Variants in XPO4 observed in about 807,000 individuals in gnomAD.
The protein encoded by XPO4 is exportin 4.
In XPO4, 39 loss-of-function variants were observed where a neutral mutation model predicts 143.0. The observed-to-expected ratio is 0.27, with a 90% CI of 0.21 to 0.36. The LOEUF is 0.36. Among genes scored for constraint, XPO4 ranks in the 10% least tolerant of loss-of-function variants. XPO4 has a pLI of 1.00. For synonymous variants in XPO4, 439 were observed against 474.0 expected (o/e 0.93, Z 0.96); for missense variants, 907 against 1,348.0 (o/e 0.67, Z 5.12).
Position 20,800,235 on chromosome 13 carries a change from G to A in XPO4, c.2068C>T (p.Leu690Phe). 1.2e-6 allele frequency: 2 copies of A among 1,614,144 alleles called. No homozygotes were observed. Among genetic ancestry groups the A allele is most frequent in the Non-Finnish European group, 1.7e-6 (2 of 1,180,016 alleles). Reference sequence around the variant, plus strand: ...TCCTGCTCACTACTCCAGACTGAGAGGTTACTGATGACTTTTTGTAAGAGG... The same window carrying A: ...TCCTGCTCACTACTCCAGACTGAGAAGTTACTGATGACTTTTTGTAAGAGG... ...GYLLQKVISN[L>F]SVWSSEQDLA... is the part of the protein sequence containing the mutation. Residue 690 changes from leucine to phenylalanine, a missense_variant, in exon 15 of 23, where the codon CTC (leucine) becomes TTC (phenylalanine). By Grantham distance (22) the Leu-to-Phe change is conservative. Coordinates refer to ENST00000255305, the MANE Select transcript of XPO4 (RefSeq NM_022459.5).
chr13:20,892,334 C>T lies in XPO4; in HGVS notation c.69+10336G>A, dbSNP rs562207867. 2.5e-3 allele frequency among the ~76,000 whole-genome samples: 384 copies of T among 152,184 alleles called. 4 individuals carry two copies. The highest frequency in any genetic ancestry group is 8.7e-3 in the African/African-American group (363 of 41,532). ...AACTCCTGACTTCAGGTGATCCACC[C>T]GCTTCAGCCTCCCAAAGTGCTGGGA... On this transcript the variant is annotated intron_variant, in intron 1 of 22. Transcript: ENST00000255305.
intron 13 of XPO4, among the ~76,000 whole-genome samples, chr13:20,806,849 C>A (rs976774926): frequency 6.6e-6 from 1 of 151,892 alleles, no homozygotes; most frequent in Non-Finnish European, 1.5e-5. Context: ...CTGCGCCTGG[C>A]CGGAACATTT....
intron 14 of XPO4, 75 bp downstream of exon 14, chr13:20,800,756 C>A: frequency 1.3e-6 from 2 of 1,547,050 alleles, no homozygotes; most frequent in Non-Finnish European, 1.7e-6. Flanking sequence ...TGAAAAACCA[C>A]CAAGAAAAAT....
intron 18 of XPO4, among the ~76,000 whole-genome samples, chr13:20,793,684 G>C (rs1261232361): frequency 6.6e-6 from 1 of 152,124 alleles, no homozygotes; most frequent in East Asian, 1.9e-4. Context: ...CTCCAGAGTA[G>C]CTGGGACTAC....
chr13:20,900,031 G>A (rs1021697983), intron 1 of XPO4, among the ~76,000 whole-genome samples: 2 of 152,126 alleles, frequency 1.3e-5, no homozygotes, highest in African/African-American at 4.8e-5. Context: ...CCCTTGCTAT[G>A]TAAATTTGTG....
intron 1 of XPO4, chr13:20,879,058 G>C (rs924916158): frequency 2.1e-6 from 2 of 959,250 alleles, no homozygotes; most frequent in Non-Finnish European, 1.2e-6. Context: ...AAACAGAAGC[G>C]AACGCAGGGA....
chr13:20,868,839 G>A, intron 1 of XPO4, 138 bp from the exon 2 acceptor site: 1 of 703,126 alleles, frequency 1.4e-6, no homozygotes, highest in Non-Finnish European at 2.3e-6. Context: ...AACTTTTTAA[G>A]GAATTATAGT....
Position 20,783,688 on chromosome 13 carries a change from G to T in XPO4, c.*34C>A, listed in dbSNP as rs750790566. The T allele has an allele frequency of 3.7e-5, 59 of 1,606,854 alleles. No homozygotes were observed. The highest frequency in any genetic ancestry group is 4.7e-5 in the Non-Finnish European group (55 of 1,173,564). ...TTTCAGCAATTCAGTGCACTTTGCA[G>T]AAAGGATCTAAATTAAGCATAAAGT... On this transcript the variant is annotated 3_prime_UTR_variant, in exon 23 of 23. Transcript: ENST00000255305.
chr13:20,843,983 ACTTTAGATCTTCCACTGTAT>A, intron 4 of XPO4, 97 bp from the exon 5 acceptor site: 1 of 869,974 alleles, frequency 1.1e-6, no homozygotes, highest in South Asian at 1.5e-5. Context: ...TTTCTCCCTA[ACTTTAGATCTTCCACTGTAT>A]CTTTAGATCT....
At chr13:20,886,385 G>A (rs1321086563) in intron 1 of XPO4, among the ~76,000 whole-genome samples, 1 of 152,130 alleles carries the variant, frequency 6.6e-6, no homozygotes, top group African/African-American at 2.4e-5. Context: ...GCTGAGGCGG[G>A]TGGATCACTT....
chr13:20,890,950 T>TA (rs1258490483), intron 1 of XPO4, among the ~76,000 whole-genome samples: 1 of 150,712 alleles, frequency 6.6e-6, no homozygotes, highest in Non-Finnish European at 1.5e-5. Flanking sequence ...CCGTCTCTAC[T>TA]AAAAATACAA....
intron 19 of XPO4, among the ~76,000 whole-genome samples, chr13:20,789,633 C>T (rs1044502850): frequency 1.3e-5 from 2 of 151,524 alleles, no homozygotes; most frequent in African/African-American, 4.9e-5. Context: ...TGGTCTCGAT[C>T]TCCTGACTTC....
At chr13:20,824,167 A>G (rs559621779) in intron 7 of XPO4, among the ~76,000 whole-genome samples, 2 of 152,224 alleles carry the variant, frequency 1.3e-5, no homozygotes, top group Non-Finnish European at 2.9e-5. Flanking sequence ...ATTCCAATGT[A>G]TTTTAAGTTT....
At chr13:20,798,244 G>A (rs1006605584) in intron 16 of XPO4, among the ~76,000 whole-genome samples, 3 of 152,182 alleles carry the variant, frequency 2.0e-5, no homozygotes, top group Admixed American at 6.5e-5. Context: ...ATAGAAAGGG[G>A]AAGTGTGGAT....
chr13:20,889,477 G>A (rs972080500), intron 1 of XPO4, among the ~76,000 whole-genome samples: 6 of 152,146 alleles, frequency 3.9e-5, no homozygotes, highest in African/African-American at 1.4e-4. Context: ...CACAACTGGG[G>A]AGCACTAATG....
intron 6 of XPO4, among the ~76,000 whole-genome samples, chr13:20,839,452 T>C (rs1800431310): frequency 6.6e-6 from 1 of 152,316 alleles, no homozygotes; most frequent in East Asian, 1.9e-4. Flanking sequence ...CTGACAATTA[T>C]TGCTGTACAA....
intron 1 of XPO4, among the ~76,000 whole-genome samples, chr13:20,883,461 T>C (rs932812546): frequency 2.0e-5 from 3 of 152,162 alleles, no homozygotes; most frequent in African/African-American, 7.2e-5. Flanking sequence ...AAAAAAGATA[T>C]TTGTAAGGCA....
intron 4 of XPO4, chr13:20,849,446 T>C (rs2060061892): frequency 1.0e-6 from 1 of 984,060 alleles, no homozygotes; most frequent in Non-Finnish European, 1.2e-6. Context: ...CAAATATGAA[T>C]TATATGTTTA....
In XPO4 at chr13:20,779,655, T is replaced by C. The variant is rs1318044645; in HGVS notation, c.*4067A>G. The C allele has an allele frequency of 6.6e-6, 1 of 152,584 alleles. No homozygotes were observed. Among genetic ancestry groups the C allele is most frequent in the Non-Finnish European group, 1.5e-5 (1 of 68,020 alleles). 9.5% of individuals were successfully genotyped at this position (152,584 alleles called of 1,614,324 possible). ...ACGGCCGACTTCAGCATTCTCGTCT[T>C]TACTAAGACTTACCCATAGAGAACT... On this transcript the variant is annotated 3_prime_UTR_variant, in exon 23 of 23. Coordinates refer to ENST00000255305, the MANE Select transcript of XPO4 (RefSeq NM_022459.5).
Sources: gnomAD v4.1 joint callset for allele counts (sites outside exome capture counted in the v4.1 genomes callset) on GRCh38, gnomAD v4.1.1 for gene constraint, MANE v1.5 for transcripts, NCBI Gene and HGNC (gene_info 2026-07-23, HGNC 2026-07-21) for gene names.